The following MOB3B variants were observed in gnomAD, a reference collection of about 807,000 sequenced individuals.
MOB3B encodes the protein MOB kinase activator-like 2B.
Under a neutral mutation model 18.7 loss-of-function variants are expected in MOB3B, and 7 were observed. The ratio of observed to expected loss-of-function variants is 0.37; its 90% CI spans 0.21 to 0.70. The LOEUF (loss-of-function observed/expected upper bound fraction) is 0.70. MOB3B is among the 30% of genes least tolerant of loss of function. MOB3B has a pLI of 0.52. For missense variants in MOB3B, 253 were observed against 281.3 expected, an observed-to-expected ratio of 0.90 and a Z score of 0.72; for synonymous variants, 111 against 99.9, an observed-to-expected ratio of 1.11 and a Z score of -0.66.
At chr9:27,515,166 T>A (rs1820212620) in intron 1 of MOB3B, among the ~76,000 whole-genome samples, 1 of 152,270 alleles carries the variant, frequency 6.6e-6, no homozygotes, top group Non-Finnish European at 1.5e-5. Context: ...ACATTTGAAC[T>A]GTGCCCCGAC....
chr9:27,517,769 T>C (rs1165020552), intron 1 of MOB3B, among the ~76,000 whole-genome samples: 1 of 151,714 alleles, frequency 6.6e-6, no homozygotes, highest in African/African-American at 2.4e-5. Context: ...TCAATAAATA[T>C]TTATTGAGTG....
chr9:27,426,901 G>A (rs1053860204), intron 2 of MOB3B, among the ~76,000 whole-genome samples: 30 of 152,284 alleles, frequency 2.0e-4, no homozygotes, highest in African/African-American at 6.3e-4. Context: ...AGAGATGGAG[G>A]GTAATGGAAT....
At position 27,363,115 on chromosome 9, in the gene MOB3B, T is replaced by G. The variant is rs72721184; in HGVS notation, c.419-3879A>C. ...ACTGATTGATTTGAGGTGGTTTTCT[T>G]TCTTCATGGTGCTGCAAAGAAGTAT... On this transcript the variant is annotated intron_variant, in intron 2 of 3. Transcript: ENST00000262244. Among the ~76,000 whole-genome samples the G allele has an allele frequency of 6.2e-3, 938 of 152,352 alleles. 6 individuals are homozygous for G. Among genetic ancestry groups the G allele is most frequent in the Non-Finnish European group, 9.4e-3 (637 of 68,032 alleles).
intron 2 of MOB3B, among the ~76,000 whole-genome samples, chr9:27,381,068 C>T (rs973318241): frequency 2.0e-5 from 3 of 152,116 alleles, no homozygotes; most frequent in South Asian, 2.1e-4. Flanking sequence ...CCTGAGCTGA[C>T]AAGACATGCA....
chr9:27,509,542 G>A (rs541300602), intron 1 of MOB3B, among the ~76,000 whole-genome samples: 6 of 151,720 alleles, frequency 4.0e-5, no homozygotes, highest in Admixed American at 2.0e-4. Flanking sequence ...TCAGCCTCCC[G>A]AGTAGCTGGA....
chr9:27,467,176 T>C (rs1819397120), intron 1 of MOB3B, among the ~76,000 whole-genome samples: 1 of 152,234 alleles, frequency 6.6e-6, no homozygotes, highest in Admixed American at 6.5e-5. Context: ...GCAAACCATG[T>C]ATCCTCCTCA....
intron 2 of MOB3B, among the ~76,000 whole-genome samples, chr9:27,423,965 C>T (rs551056236): frequency 3.3e-5 from 5 of 152,200 alleles, no homozygotes; most frequent in Non-Finnish European, 5.9e-5. Flanking sequence ...AATTAAGTTA[C>T]TTTCTCCAGG....
At chr9:27,463,801 A>G (rs373120818) in intron 1 of MOB3B, among the ~76,000 whole-genome samples, 97 of 151,852 alleles carry the variant, frequency 6.4e-4, no homozygotes, top group African/African-American at 2.1e-3. Flanking sequence ...TCTCTACAAA[A>G]AATACAAAAA....
chr9:27,363,141 C>G (rs1821296972), intron 2 of MOB3B, among the ~76,000 whole-genome samples: 1 of 152,168 alleles, frequency 6.6e-6, no homozygotes, highest in South Asian at 2.1e-4. Context: ...AAAGAAGTAT[C>G]CAATCTCCAT....
intron 2 of MOB3B, among the ~76,000 whole-genome samples, chr9:27,403,435 G>C (rs1455769917): frequency 1.4e-5 from 2 of 147,178 alleles, no homozygotes; most frequent in African/African-American, 5.0e-5. Context: ...AAAGGAAAAA[G>C]TTGTTAAGAT....
intron 2 of MOB3B, among the ~76,000 whole-genome samples, chr9:27,433,579 A>C (rs1219662777): frequency 1.3e-5 from 2 of 152,236 alleles, no homozygotes; most frequent in African/African-American, 4.8e-5. Context: ...CAAGGATATC[A>C]AATGAGCCTA....
At chr9:27,393,734 C>T (rs983762099) in intron 2 of MOB3B, among the ~76,000 whole-genome samples, 3 of 152,144 alleles carry the variant, frequency 2.0e-5, no homozygotes, top group Non-Finnish European at 4.4e-5. Flanking sequence ...CGATTATTAT[C>T]CCCACTTTCC....
rs546879295 is a variant in MOB3B at position 27,470,004 on chromosome 9, G to T, written c.-198-14256C>A. On this transcript the variant is annotated intron_variant, in intron 1 of 3. Transcript: ENST00000262244. The stretch of plus-strand genomic sequence containing the variant: ...ACCTATGGTCCCAGCTATCTGGGAG[G>T]CTGAGGCAGGAGGAGGATCACATGA... Among the ~76,000 whole-genome samples the T allele has an allele frequency of 4.6e-5, 7 of 151,940 alleles. No homozygotes were observed. The East Asian group carries it at 7.8e-4, about 17-fold the overall frequency.
chr9:27,472,678 T>TAAAA (rs56092176), intron 1 of MOB3B, among the ~76,000 whole-genome samples: 98 of 98,908 alleles, frequency 9.9e-4, no homozygotes, highest in African/African-American at 3.8e-3. Context: ...CACTTTATTC[T>TAAAA]AAAAAAAAAA....
intron 2 of MOB3B, among the ~76,000 whole-genome samples, chr9:27,436,474 C>T (rs1008955213): frequency 2.0e-5 from 3 of 152,122 alleles, no homozygotes; most frequent in Non-Finnish European, 1.5e-5. Context: ...TCCAGTGTTT[C>T]GCACATTAGC....
At chr9:27,434,979 C>A (rs1323164378) in intron 2 of MOB3B, among the ~76,000 whole-genome samples, 1 of 152,062 alleles carries the variant, frequency 6.6e-6, no homozygotes, top group East Asian at 1.9e-4. Context: ...TAGACACAGG[C>A]AGAGCTCTGA....
chr9:27,491,139 T>A (rs1178563152), intron 1 of MOB3B, among the ~76,000 whole-genome samples: 1 of 152,206 alleles, frequency 6.6e-6, no homozygotes, highest in Non-Finnish European at 1.5e-5. Flanking sequence ...TTATGTAGTT[T>A]GGTTAAAATT....
chr9:27,340,885 A>G (rs1445674427), intron 3 of MOB3B, among the ~76,000 whole-genome samples: 1 of 152,130 alleles, frequency 6.6e-6, no homozygotes, highest in Non-Finnish European at 1.5e-5. Context: ...CCTCCTTCTC[A>G]TACCCAGCAT....
At chr9:27,380,887 C>A (rs1821568871) in intron 2 of MOB3B, among the ~76,000 whole-genome samples, 1 of 152,140 alleles carries the variant, frequency 6.6e-6, no homozygotes, top group African/African-American at 2.4e-5. Flanking sequence ...CTGGGGCTTT[C>A]CACACTGCCT....
Sources: gnomAD v4.1 joint callset for allele counts (sites outside exome capture counted in the v4.1 genomes callset) on GRCh38, gnomAD v4.1.1 for gene constraint, MANE v1.5 for transcripts, NCBI Gene and HGNC (gene_info 2026-07-23, HGNC 2026-07-21) for gene names.